IRAK2: variants seen among roughly 807,000 people sequenced by gnomAD.
IRAK2 encodes interleukin 1 receptor associated kinase 2, also known as interleukin-1 receptor-associated kinase-like 2.
Under a neutral mutation model 72.0 loss-of-function variants are expected in IRAK2, and 57 were observed. That is an observed-to-expected ratio of 0.79 (90% CI 0.64 to 0.99). The LOEUF (loss-of-function observed/expected upper bound fraction) is 0.99, where lower values mean the gene tolerates loss of function less well. IRAK2 is among the 50% of genes least tolerant of loss of function. IRAK2 has a pLI of 0.00. For synonymous variants in IRAK2, 293 were observed against 312.7 expected (o/e 0.94, Z 0.67); for missense variants, 790 against 794.4 (o/e 0.99, Z 0.07).
chr3:10,209,746 C>A, intron 4 of IRAK2, 54 bp downstream of exon 4: 1 of 1,136,774 alleles, frequency 8.8e-7, no homozygotes, highest in Non-Finnish European at 1.2e-6. Context: ...GCGTGTAGTT[C>A]CCTCTCAAAA....
At chr3:10,201,845 C>A (rs192975394) in intron 3 of IRAK2, among the ~76,000 whole-genome samples, 1 of 152,168 alleles carries the variant, frequency 6.6e-6, no homozygotes, top group Non-Finnish European at 1.5e-5. Context: ...AAGCCAGGGG[C>A]GGCATCAGCT....
chr3:10,166,853 A>T (rs914676322), intron 1 of IRAK2, among the ~76,000 whole-genome samples: 1 of 152,160 alleles, frequency 6.6e-6, no homozygotes, highest in Non-Finnish European at 1.5e-5. Flanking sequence ...CATGTTGGCC[A>T]GGCTGGTCTC....
rs75587203 is a variant in IRAK2 at position 10,180,628 on chromosome 3, G to C, written c.277+2608G>C. On this transcript the variant is annotated intron_variant, in intron 2 of 12. Coordinates refer to ENST00000256458, the MANE Select transcript of IRAK2 (RefSeq NM_001570.4). ...GGGTTCCTGAGCTGGGAACCACCTG[G>C]CTGGACCATCAGACCAGATTCAGCA... Among the ~76,000 whole-genome samples, 92 of 152,184 alleles carry C rather than the reference G, an allele frequency of 6.0e-4. No homozygotes were observed. The East Asian group carries it at 0.017, about 29-fold the overall frequency.
intron 11 of IRAK2, among the ~76,000 whole-genome samples, chr3:10,237,947 G>GTT (rs890802203): frequency 6.6e-6 from 1 of 151,176 alleles, no homozygotes; most frequent in African/African-American, 2.4e-5. Flanking sequence ...GTGTGTGTGT[G>GTT]TGTGTGTGTG....
At chr3:10,207,830 T>C (rs1412183899) in intron 3 of IRAK2, among the ~76,000 whole-genome samples, 1 of 151,752 alleles carries the variant, frequency 6.6e-6, no homozygotes, top group Non-Finnish European at 1.5e-5. Flanking sequence ...CCATCTCTAA[T>C]AAAAATACAA....
intron 2 of IRAK2, among the ~76,000 whole-genome samples, chr3:10,191,858 A>G (rs1332721423): frequency 1.3e-5 from 2 of 152,146 alleles, no homozygotes; most frequent in Non-Finnish European, 2.9e-5. Context: ...TTGATAAAGG[A>G]TTCCCCATTC....
intron 11 of IRAK2, among the ~76,000 whole-genome samples, chr3:10,235,336 T>C (rs1351975650): frequency 6.6e-6 from 1 of 151,792 alleles, no homozygotes; most frequent in Non-Finnish European, 1.5e-5. Flanking sequence ...AGACAGAGTC[T>C]CCTTCTGTCG....
Position 10,185,558 on chromosome 3 carries a change from CAAAA to C in IRAK2, c.277+7556_277+7559del, listed in dbSNP as rs770606601. Among the ~76,000 whole-genome samples the C allele has an allele frequency of 3.0e-4, 21 of 70,096 alleles. 1 individual carries two copies. Among genetic ancestry groups the C allele is most frequent in the African/African-American group, 8.0e-4 (13 of 16,188 alleles). The allele number at this position is 70,096 out of a possible 152,430, so 46.0% of individuals were successfully genotyped here. A position where few individuals can be genotyped will look rare whatever the true frequency, so the allele number is the denominator to read the frequency against. On this transcript the variant is annotated intron_variant, in intron 2 of 12. Transcript: ENST00000256458. ...GGGCAACAAGAGTGAAACTCCGTCT[CAAAA>C]AAAAAAAAAAAAAAAAAGAACCACT...
intron 2 of IRAK2, among the ~76,000 whole-genome samples, chr3:10,197,523 G>T (rs1697289033): frequency 6.6e-6 from 1 of 151,984 alleles, no homozygotes; most frequent in Non-Finnish European, 1.5e-5. Flanking sequence ...CCCATATTTT[G>T]AGCTAAGCAG....
chr3:10,207,953 C>T (rs1441946422), intron 3 of IRAK2, among the ~76,000 whole-genome samples: 10 of 145,308 alleles, frequency 6.9e-5, no homozygotes, highest in African/African-American at 2.3e-4. Flanking sequence ...GATTGTGCCA[C>T]TGCACTCCAG....
chr3:10,225,907 G>T (rs1697768102), intron 9 of IRAK2, among the ~76,000 whole-genome samples: 2 of 152,010 alleles, frequency 1.3e-5, no homozygotes, highest in South Asian at 4.1e-4. Context: ...CGCTGTGTTA[G>T]CCAGGATGGT....
chr3:10,222,812 A>T lies in IRAK2; in HGVS notation c.1190A>T (p.Asp397Val). 6.2e-7 allele frequency: 1 copy of T among 1,614,142 alleles called. No homozygotes were observed. Among genetic ancestry groups the T allele is most frequent in the Non-Finnish European group, 8.5e-7 (1 of 1,180,008 alleles). ...IRVGQLTKRV[D>V]IFSCGIVLAE... ...GTGGGGCAGCTGACAAAGCGAGTGG[A>T]CATCTTCAGCTGTGGAATAGTAAGA... The change falls in exon 9 of 13, where the codon GAC becomes GTC. Residue 397 changes from aspartate to valine, a missense_variant. Coordinates refer to ENST00000256458, the MANE Select transcript of IRAK2 (RefSeq NM_001570.4).
At chr3:10,221,481 C>A (rs758348077) in intron 8 of IRAK2, among the ~76,000 whole-genome samples, 75 of 151,550 alleles carry the variant, frequency 4.9e-4, no homozygotes, top group Non-Finnish European at 8.8e-4. Context: ...TCTCGATCTC[C>A]TGACCTCGTG....
intron 1 of IRAK2, among the ~76,000 whole-genome samples, chr3:10,170,627 G>T (rs1053632235): frequency 4.6e-5 from 7 of 152,210 alleles, no homozygotes; most frequent in Admixed American, 3.3e-4. Flanking sequence ...GCCCCGTGCG[G>T]GCAGGGGCCT....
chr3:10,180,976 T>C (rs1282075274), intron 2 of IRAK2, among the ~76,000 whole-genome samples: 1 of 151,558 alleles, frequency 6.6e-6, no homozygotes, highest in Non-Finnish European at 1.5e-5. Flanking sequence ...CCAATGGGAG[T>C]GATGTTCCAG....
At chr3:10,184,907 T>TA (rs1171047922) in intron 2 of IRAK2, among the ~76,000 whole-genome samples, 8 of 150,616 alleles carry the variant, frequency 5.3e-5, no homozygotes, top group Non-Finnish European at 4.4e-5. Context: ...TTTTTTATTT[T>TA]TTTTTATTTT....
chr3:10,232,542 G>T (rs1447686601), intron 10 of IRAK2, among the ~76,000 whole-genome samples: 1 of 152,046 alleles, frequency 6.6e-6, no homozygotes, highest in Non-Finnish European at 1.5e-5. Context: ...AAGTTCCCTC[G>T]ACATCCTTTC....
chr3:10,167,233 C>T (rs1320620261), intron 1 of IRAK2, among the ~76,000 whole-genome samples: 1 of 152,092 alleles, frequency 6.6e-6, no homozygotes, highest in Non-Finnish European at 1.5e-5. Context: ...ATTTTAATCA[C>T]CCGAAGAAGA....
intron 1 of IRAK2, among the ~76,000 whole-genome samples, chr3:10,169,802 G>T (rs1285727482): frequency 6.6e-5 from 10 of 152,172 alleles, no homozygotes; most frequent in African/African-American, 1.2e-4. Flanking sequence ...AAAATGATGG[G>T]ATTAAGAGAT....
Sources: allele counts gnomAD v4.1 joint callset (sites outside exome capture counted in the v4.1 genomes callset), GRCh38; gene constraint gnomAD v4.1.1; transcripts MANE v1.5; gene names NCBI Gene and HGNC (gene_info 2026-07-23, HGNC 2026-07-21).